Variants in KCNB2 observed in about 807,000 individuals in gnomAD.
KCNB2 encodes the protein delayed rectifier potassium channel protein.
In KCNB2, 15 loss-of-function variants were observed where a neutral mutation model predicts 61.5. The ratio of observed to expected loss-of-function variants is 0.24; its 90% CI spans 0.16 to 0.38. The LOEUF (loss-of-function observed/expected upper bound fraction) is 0.38. Ranked by LOEUF, KCNB2 falls within the 10% of genes least tolerant of loss-of-function variation. KCNB2 has a pLI of 1.00. For missense variants in KCNB2, 828 were observed against 1,125.2 expected (o/e 0.74, Z 3.78); for synonymous variants, 457 against 446.0 (o/e 1.02, Z -0.31).
chr8:72,881,826 G>C (rs960240599), intron 2 of KCNB2: 1 of 151,862 alleles, frequency 6.6e-6, no homozygotes, highest in African/African-American at 2.4e-5. Flanking sequence ...CTTCAAGCAG[G>C]GGGAGGTCCT....
At chr8:72,553,872 G>C (rs1483371114) in intron 1 of KCNB2, among the ~76,000 whole-genome samples, 1 of 151,920 alleles carries the variant, frequency 6.6e-6, no homozygotes, top group Non-Finnish European at 1.5e-5. Context: ...GTGCTTCATG[G>C]GTAGTAGATG....
intron 2 of KCNB2, among the ~76,000 whole-genome samples, chr8:72,643,436 T>C (rs1806085181): frequency 6.6e-6 from 1 of 152,062 alleles, no homozygotes; most frequent in Admixed American, 6.6e-5. Flanking sequence ...TGAAACCACA[T>C]AGTGTTTACC....
At chr8:72,626,209 G>A (rs998708346) in intron 2 of KCNB2, among the ~76,000 whole-genome samples, 1 of 152,100 alleles carries the variant, frequency 6.6e-6, no homozygotes, top group Non-Finnish European at 1.5e-5. Context: ...AGTAGCCCCA[G>A]AATGCCCAGG....
rs994817284 is a variant in KCNB2 at position 72,770,681 on chromosome 8, G to T, written c.580-165254G>T. Among the ~76,000 whole-genome samples the T allele has an allele frequency of 7.2e-5, 11 of 152,154 alleles. 1 individual carries two copies. The highest frequency in any genetic ancestry group is 2.7e-4 in the African/African-American group (11 of 41,434). ...ACCTATCTCATAAAGCTGTTGTGGG[G>T]ATTAAATGGAATAATCCATGTAAAA... On this transcript the variant is annotated intron_variant, in intron 2 of 2. Transcript: ENST00000523207.
intron 2 of KCNB2, among the ~76,000 whole-genome samples, chr8:72,648,071 A>C (rs1208497381): frequency 6.6e-6 from 1 of 152,148 alleles, no homozygotes; most frequent in Non-Finnish European, 1.5e-5. Context: ...ACGAGAGCTC[A>C]AAAGGGGGCT....
At chr8:72,649,696 A>G (rs935453080) in intron 2 of KCNB2, among the ~76,000 whole-genome samples, 8 of 152,158 alleles carry the variant, frequency 5.3e-5, no homozygotes, top group Non-Finnish European at 1.2e-4. Context: ...TGAGCAGTGT[A>G]TTATGAGAAA....
intron 2 of KCNB2, among the ~76,000 whole-genome samples, chr8:72,666,669 T>G (rs1585817009): frequency 2.5e-5 from 3 of 118,488 alleles, no homozygotes; most frequent in Admixed American, 2.5e-4. Context: ...TTTTTTTTTT[T>G]GAGACAGAGT....
At chr8:72,712,421 A>G (rs963547123) in intron 2 of KCNB2, among the ~76,000 whole-genome samples, 2 of 152,224 alleles carry the variant, frequency 1.3e-5, no homozygotes. Flanking sequence ...GCCTGGTGGC[A>G]TAATTCAGAA....
chr8:72,718,344 G>T (rs1807482983), intron 2 of KCNB2, among the ~76,000 whole-genome samples: 2 of 152,114 alleles, frequency 1.3e-5, no homozygotes, highest in South Asian at 4.1e-4. Context: ...AAATCATGCT[G>T]CTATAAAGAC....
At chr8:72,868,621 A>AC (rs1805570072) in intron 2 of KCNB2, among the ~76,000 whole-genome samples, 1 of 151,666 alleles carries the variant, frequency 6.6e-6, no homozygotes, top group African/African-American at 2.4e-5. Flanking sequence ...ACCAAAAAAA[A>AC]CCCAAAAAAG....
At chr8:72,785,853 G>A (rs1054176380) in intron 2 of KCNB2, among the ~76,000 whole-genome samples, 1 of 151,964 alleles carries the variant, frequency 6.6e-6, no homozygotes, top group Non-Finnish European at 1.5e-5. Context: ...ACTGGTTTAG[G>A]TGCTGAATGA....
At chr8:72,728,078 T>C (rs1230490536) in intron 2 of KCNB2, among the ~76,000 whole-genome samples, 3 of 152,192 alleles carry the variant, frequency 2.0e-5, no homozygotes, top group Non-Finnish European at 4.4e-5. Context: ...TCCTGTTACC[T>C]GAACCATGTT....
At chr8:72,686,620 A>G (rs1330121138) in intron 2 of KCNB2, among the ~76,000 whole-genome samples, 1 of 152,212 alleles carries the variant, frequency 6.6e-6, no homozygotes, top group African/African-American at 2.4e-5. Flanking sequence ...CCAGCATAGT[A>G]AGCAACCTGA....
intron 2 of KCNB2, among the ~76,000 whole-genome samples, chr8:72,801,556 T>C (rs1352985260): frequency 1.3e-5 from 2 of 152,196 alleles, no homozygotes; most frequent in Non-Finnish European, 2.9e-5. Context: ...AATACATTTA[T>C]TGAGTGTGAA....
chr8:72,842,871 C>T (rs1421080377), intron 2 of KCNB2, among the ~76,000 whole-genome samples: 1 of 152,088 alleles, frequency 6.6e-6, no homozygotes, highest in Admixed American at 6.6e-5. Context: ...TTTTGTTGAT[C>T]TTTTCAGAAA....
At chr8:72,883,204 A>G (rs996051813) in intron 2 of KCNB2, among the ~76,000 whole-genome samples, 23 of 152,218 alleles carry the variant, frequency 1.5e-4, no homozygotes, top group African/African-American at 5.5e-4. Flanking sequence ...ATCTCAGAAC[A>G]TCAGATTTTA....
intron 2 of KCNB2, among the ~76,000 whole-genome samples, chr8:72,634,132 A>T (rs1368846863): frequency 6.6e-6 from 1 of 152,216 alleles, no homozygotes; most frequent in Non-Finnish European, 1.5e-5. Context: ...CTTACATTTG[A>T]TCCAAATGTA....
intron 2 of KCNB2, among the ~76,000 whole-genome samples, chr8:72,697,242 T>C (rs1807031933): frequency 6.6e-6 from 1 of 152,190 alleles, no homozygotes; most frequent in African/African-American, 2.4e-5. Context: ...CCTACAACTC[T>C]GGTGCAGATT....
intron 2 of KCNB2, among the ~76,000 whole-genome samples, chr8:72,740,450 A>G (rs1807931859): frequency 6.6e-6 from 1 of 152,154 alleles, no homozygotes; most frequent in Admixed American, 6.6e-5. Flanking sequence ...GTCCCCTACT[A>G]AAAAGTGAAT....
Sources: gnomAD v4.1 joint callset for allele counts (sites outside exome capture counted in the v4.1 genomes callset) on GRCh38, gnomAD v4.1.1 for gene constraint, MANE v1.5 for transcripts, NCBI Gene and HGNC (gene_info 2026-07-23, HGNC 2026-07-21) for gene names.